The following FOXI2 variants were observed in gnomAD, a reference collection of about 807,000 sequenced individuals.
FOXI2 encodes the protein forkhead box protein I2.
A neutral mutation model predicts 14.3 loss-of-function variants in FOXI2; 17 were observed. The observed-to-expected ratio is 1.19, with a 90% CI of 0.81 to 1.78. The LOEUF is 1.78. Ranked by LOEUF, FOXI2 falls within the 40% of genes most tolerant of loss-of-function variation. The probability of loss-of-function intolerance (pLI) is 0.00; values close to 1 mark genes in which losing one functional copy is unlikely to be tolerated. For missense variants in FOXI2, 541 were observed against 460.0 expected (o/e 1.18, Z -1.61); for synonymous variants, 240 against 218.8 (o/e 1.10, Z -0.85).
chr10:127,737,418 A>C lies in FOXI2; in HGVS notation c.145A>C (p.Ser49Arg). 3.6e-6 allele frequency: 5 copies of C among 1,380,174 alleles called. No homozygotes were observed. Among genetic ancestry groups the C allele is most frequent in the Non-Finnish European group, 4.6e-6 (5 of 1,080,204 alleles). The allele number at this position is 1,380,174 out of a possible 1,614,324, so 85.5% of individuals were successfully genotyped here. ...CCTGTGGGTGAACGCGCCAGCGCTCAGCCCCAAGTCCTACGCTTCGGGTCC... is the reference window on the plus strand; with the variant it reads ...CCTGTGGGTGAACGCGCCAGCGCTCCGCCCCAAGTCCTACGCTTCGGGTCC... Reference protein sequence around the residue: ...PLLWVNAPALSPKSYASGPGP... With the variant: ...PLLWVNAPALRPKSYASGPGP... Residue 49 changes from serine (S) to arginine (R), a missense_variant, in exon 1 of 2, where the codon AGC becomes CGC. Ser to Arg is a moderately radical substitution (Grantham distance 110). Transcript: ENST00000388920.
At chr10:127,737,996 G>A (rs953046307) in intron 1 of FOXI2, among the ~76,000 whole-genome samples, 5 of 151,844 alleles carry the variant, frequency 3.3e-5, no homozygotes, top group Non-Finnish European at 7.4e-5. Context: ...TTTACAGTGC[G>A]GCGGTCCCGG....
Position 127,737,390 on chromosome 10 carries a change from C to G in FOXI2, c.117C>G (p.Pro39=), listed in dbSNP as rs1291519639. The change falls in exon 1 of 2, where the codon CCC becomes CCG. Residue 39 remains proline (P), a synonymous_variant. Transcript: ENST00000388920. ...PGDLGAVGGG[P]LLWVNAPALS... ...ATCTGGGCGCGGTGGGCGGGGGCCCCCTCCTGTGGGTGAACGCGCCAGCGC... is the reference window on the plus strand; with the variant it reads ...ATCTGGGCGCGGTGGGCGGGGGCCCGCTCCTGTGGGTGAACGCGCCAGCGC... 1 of 1,394,012 alleles carries G rather than the reference C, an allele frequency of 7.2e-7. No homozygotes were observed. The highest frequency in any genetic ancestry group is 4.0e-5 in the Admixed American group (1 of 25,276). The allele number at this position is 1,394,012 out of a possible 1,614,324, so 86.4% of individuals were successfully genotyped here. A position where few individuals can be genotyped will look rare whatever the true frequency, so the allele number is the denominator to read the frequency against.
rs750652104 is a variant in FOXI2, at chr10:127,738,676, C to G, written c.668C>G (p.Pro223Arg). 41 of 1,595,192 alleles carry G rather than the reference C, an allele frequency of 2.6e-5. No individual in the cohort carries two copies. Among genetic ancestry groups the G allele is most frequent in the East Asian group, 2.3e-5 (1 of 43,818 alleles). Residue 223 changes from proline to arginine, a missense_variant, in exon 2 of 2, where the codon CCG (proline) becomes CGG (arginine). Pro to Arg is a moderately radical substitution (Grantham distance 103). Coordinates refer to ENST00000388920, the MANE Select transcript of FOXI2 (RefSeq NM_207426.3). Reference protein sequence around the residue: ...GGAEAPALEPPSAACLDLQAS... With the variant: ...GGAEAPALEPRSAACLDLQAS... ...GCCGAGGCGCCAGCGCTGGAGCCCC[C>G]GAGCGCGGCTTGCCTGGACCTGCAG...
rs1846476445 is a variant in FOXI2, at chr10:127,739,827, C to CT, written c.*862_*863insT. On this transcript the variant is annotated 3_prime_UTR_variant, in exon 2 of 2. Coordinates refer to ENST00000388920, the MANE Select transcript of FOXI2 (RefSeq NM_207426.3). The stretch of plus-strand genomic sequence containing the variant: ...CCCACACTCACACCCACACCCACAC[C>CT]CACACCCACACTCACACTCACACTC... 1.4e-5 allele frequency: 1 copy of CT among 71,862 alleles called. No individual in the cohort carries two copies. The highest frequency in any genetic ancestry group is 6.0e-5 in the African/African-American group (1 of 16,542). The allele number at this position is 71,862 out of a possible 1,614,324, so 4.5% of individuals were successfully genotyped here.
In FOXI2 at chr10:127,739,275, T is replaced by G. The variant is rs1591211318; in HGVS notation, c.*310T>G. 3.1e-6 allele frequency: 1 copy of G among 325,642 alleles called. No homozygotes were observed. Among genetic ancestry groups the G allele is most frequent in the African/African-American group, 2.2e-5 (1 of 45,942 alleles). 20.2% of individuals were successfully genotyped at this position (325,642 alleles called of 1,614,324 possible). A position where few individuals can be genotyped will look rare whatever the true frequency, so the allele number is the denominator to read the frequency against. ...GGATTTGCCTTGAAGGGGCGGCGGG[T>G]CGGCCCTCAGCTCCAGCGTTTTCCA... On this transcript the variant is annotated 3_prime_UTR_variant, in exon 2 of 2. Transcript: ENST00000388920.
chr10:127,738,620 C>G lies in FOXI2; in HGVS notation c.612C>G (p.Ala204=). ...KRKRRAEASA[A]VRSGARSVGG... ...AGAGGAGAGCTGAAGCCAGCGCGGC[C>G]GTGCGCTCGGGAGCCAGGAGCGTGG... Residue 204 remains alanine (A), a synonymous_variant, in exon 2 of 2, where the codon GCC becomes GCG. Transcript: ENST00000388920. The G allele has an allele frequency of 2.5e-6, 4 of 1,606,482 alleles. No homozygotes were observed. Among genetic ancestry groups the G allele is most frequent in the Non-Finnish European group, 1.7e-6 (2 of 1,176,390 alleles).
chr10:127,740,069 T>TGACACCCAC lies in FOXI2; in HGVS notation c.*1104_*1105insGACACCCAC, dbSNP rs1554874515. 2 of 62,064 alleles carry TGACACCCAC rather than the reference T, an allele frequency of 3.2e-5. No individual in the cohort carries two copies. The highest frequency in any genetic ancestry group is 8.0e-5 in the African/African-American group (1 of 12,514). 3.8% of individuals were successfully genotyped at this position (62,064 alleles called of 1,614,324 possible). On this transcript the variant is annotated 3_prime_UTR_variant, in exon 2 of 2. Transcript: ENST00000388920. The stretch of plus-strand genomic sequence containing the variant: ...ACACCCACACTCACACCCACACTCA[T>TGACACCCAC]ACTCACACTCACACCCACACTCACA...
rs1466947764 is a variant in FOXI2, at chr10:127,737,308, C to T, written c.35C>T (p.Ser12Leu). The T allele has an allele frequency of 5.5e-6, 8 of 1,459,386 alleles. No homozygotes were observed. Among genetic ancestry groups the T allele is most frequent in the Middle Eastern group, 4.8e-4 (2 of 4,174 alleles). The allele number at this position is 1,459,386 out of a possible 1,614,324, so 90.4% of individuals were successfully genotyped here. A position where few individuals can be genotyped will look rare whatever the true frequency, so the allele number is the denominator to read the frequency against. ...TACTGCGACGACCTGGGCCCCTCCT[C>T]GGCCCCGCCCGGCCAGGCCCAGGCC... Reference protein sequence around the residue: ...ATYCDDLGPSSAPPGQAQATA... With the variant: ...ATYCDDLGPSLAPPGQAQATA... The change falls in exon 1 of 2, where the codon TCG (serine) becomes TTG (leucine). Residue 12 changes from serine to leucine, a missense_variant. Physicochemically the swap from Ser to Leu is moderately radical, Grantham distance 145. Coordinates refer to ENST00000388920, the MANE Select transcript of FOXI2 (RefSeq NM_207426.3).
chr10:127,737,547 T>C lies in FOXI2; in HGVS notation c.274T>C (p.Ser92Pro). The C allele has an allele frequency of 6.6e-7, 1 of 1,524,778 alleles. No homozygotes were observed. Among genetic ancestry groups the C allele is most frequent in the Non-Finnish European group, 8.8e-7 (1 of 1,135,716 alleles). 94.5% of individuals were successfully genotyped at this position (1,524,778 alleles called of 1,614,324 possible). ...CGCCGACCTCGCCTGGCTGAGCCTC[T>C]CCGGCCAGCAGGAGCTGCTGAGGCT... The part of the protein sequence containing the change: ...AGADLAWLSL[S>P]GQQELLRLVR... Residue 92 changes from serine (S) to proline (P), a missense_variant, in exon 1 of 2, where the codon TCC (serine) becomes CCC (proline). Transcript: ENST00000388920.
chr10:127,738,643 T>G lies in FOXI2; in HGVS notation c.635T>G (p.Val212Gly), dbSNP rs2134994700. The G allele has an allele frequency of 6.2e-7, 1 of 1,600,644 alleles. No homozygotes were observed. The highest frequency in any genetic ancestry group is 8.5e-7 in the Non-Finnish European group (1 of 1,173,480). The change falls in exon 2 of 2, where the codon GTG becomes GGG. Residue 212 changes from valine to glycine, a missense_variant. Coordinates refer to ENST00000388920, the MANE Select transcript of FOXI2 (RefSeq NM_207426.3). ...SAAVRSGARS[V>G]GGAEAPALEP... ...GCCGTGCGCTCGGGAGCCAGGAGCG[T>G]GGGAGGGGCCGAGGCGCCAGCGCTG...
rs1301598887 is a variant in FOXI2 at position 127,737,766 on chromosome 10, C to T, written c.493C>T (p.Arg165Cys). ...SLNDCFKKVPRDEDDPGKGNY... is the reference protein window; with the variant it reads ...SLNDCFKKVPCDEDDPGKGNY... ...CAACGACTGCTTCAAGAAGGTGCCCCGCGACGAGGACGACCCAGGTAACAG... is the reference window on the plus strand; with the variant it reads ...CAACGACTGCTTCAAGAAGGTGCCCTGCGACGAGGACGACCCAGGTAACAG... Residue 165 changes from arginine to cysteine, a missense_variant, in exon 1 of 2, where the codon CGC becomes TGC. Physicochemically the swap from Arg to Cys is radical, Grantham distance 180. Coordinates refer to ENST00000388920, the MANE Select transcript of FOXI2 (RefSeq NM_207426.3). 2 of 1,611,670 alleles carry T rather than the reference C, an allele frequency of 1.2e-6. No homozygotes were observed. The highest frequency in any genetic ancestry group is 1.7e-6 in the Non-Finnish European group (2 of 1,179,044).
chr10:127,737,550 G>A lies in FOXI2; in HGVS notation c.277G>A (p.Gly93Ser), dbSNP rs1429398226. 12 of 1,526,892 alleles carry A rather than the reference G, an allele frequency of 7.9e-6. No individual in the cohort carries two copies. Among genetic ancestry groups the A allele is most frequent in the African/African-American group, 1.4e-5 (1 of 71,356 alleles). The allele number at this position is 1,526,892 out of a possible 1,614,324, so 94.6% of individuals were successfully genotyped here. A position where few individuals can be genotyped will look rare whatever the true frequency, so the allele number is the denominator to read the frequency against. The change falls in exon 1 of 2, where the codon GGC becomes AGC. Residue 93 changes from glycine to serine, a missense_variant. By Grantham distance (56) the Gly-to-Ser change is moderately conservative. Coordinates refer to ENST00000388920, the MANE Select transcript of FOXI2 (RefSeq NM_207426.3). ...CGACCTCGCCTGGCTGAGCCTCTCC[G>A]GCCAGCAGGAGCTGCTGAGGCTGGT... ...GADLAWLSLS[G>S]QQELLRLVRP...
In FOXI2 at chr10:127,737,559, G is replaced by C. The variant is rs1846432499; in HGVS notation, c.286G>C (p.Glu96Gln). Residue 96 changes from glutamate (E) to glutamine (Q), a missense_variant, in exon 1 of 2, where the codon GAG becomes CAG. Physicochemically the swap from Glu to Gln is conservative, Grantham distance 29. Coordinates refer to ENST00000388920, the MANE Select transcript of FOXI2 (RefSeq NM_207426.3). ...LAWLSLSGQQELLRLVRPPYS... is the reference protein window; with the variant it reads ...LAWLSLSGQQQLLRLVRPPYS... Reference sequence around the variant, plus strand: ...CTGGCTGAGCCTCTCCGGCCAGCAGGAGCTGCTGAGGCTGGTGCGGCCGCC... The same window carrying C: ...CTGGCTGAGCCTCTCCGGCCAGCAGCAGCTGCTGAGGCTGGTGCGGCCGCC... The C allele has an allele frequency of 6.5e-7, 1 of 1,537,724 alleles. No homozygotes were observed. The highest frequency in any genetic ancestry group is 8.8e-7 in the Non-Finnish European group (1 of 1,140,982).
At position 127,740,060 on chromosome 10, in the gene FOXI2, C is replaced by CCATACT. The variant is rs1846496840; in HGVS notation, c.*1097_*1098insTACTCA. On this transcript the variant is annotated 3_prime_UTR_variant, in exon 2 of 2. Transcript: ENST00000388920. ...CTCACACTGACACCCACACTCACAC[C>CCATACT]CACACTCATACTCACACTCACACCC... is the stretch of plus-strand genomic sequence containing the variant. 1 of 45,816 alleles carries CCATACT rather than the reference C, an allele frequency of 2.2e-5. No homozygotes were observed. Among genetic ancestry groups the CCATACT allele is most frequent in the African/African-American group, 6.2e-5 (1 of 16,206 alleles). The allele number at this position is 45,816 out of a possible 1,614,324, so 2.8% of individuals were successfully genotyped here.
chr10:127,740,069 T>TCACACTCTCACCCAC lies in FOXI2; in HGVS notation c.*1104_*1105insCACACTCTCACCCAC, dbSNP rs1554874515. On this transcript the variant is annotated 3_prime_UTR_variant, in exon 2 of 2. Transcript: ENST00000388920. ...ACACCCACACTCACACCCACACTCA[T>TCACACTCTCACCCAC]ACTCACACTCACACCCACACTCACA... 1 of 62,064 alleles carries TCACACTCTCACCCAC rather than the reference T, an allele frequency of 1.6e-5. No homozygotes were observed. The highest frequency in any genetic ancestry group is 2.9e-5 in the Non-Finnish European group (1 of 34,896). 3.8% of individuals were successfully genotyped at this position (62,064 alleles called of 1,614,324 possible).
Position 127,738,947 on chromosome 10 carries a change from G to GGAAGGGACC in FOXI2, c.944_952dup (p.Gly315_Glu317dup). 1.9e-6 allele frequency: 3 copies of GGAAGGGACC among 1,600,652 alleles called. No individual in the cohort carries two copies. The highest frequency in any genetic ancestry group is 2.5e-6 in the Non-Finnish European group (3 of 1,179,562). On this transcript the variant is annotated inframe_insertion, in exon 2 of 2. Coordinates refer to ENST00000388920, the MANE Select transcript of FOXI2 (RefSeq NM_207426.3). ...GCCTCAGTCACCTCCTCTACAGCCG[G>GGAAGGGACC]GAAGGGACCGAAGTTTGAAGGGAGG...
At position 127,739,041 on chromosome 10, in the gene FOXI2, C is replaced by A; in HGVS notation, c.*76C>A. On this transcript the variant is annotated 3_prime_UTR_variant, in exon 2 of 2. Coordinates refer to ENST00000388920, the MANE Select transcript of FOXI2 (RefSeq NM_207426.3). ...CCTCCGGTTTCCCCTGGTGACAGCC[C>A]CACGTGTTGGCGTTGAAGGCCTTGG... 7.5e-7 allele frequency: 1 copy of A among 1,329,214 alleles called. No homozygotes were observed. The highest frequency in any genetic ancestry group is 2.4e-5 in the East Asian group (1 of 42,282). 82.3% of individuals were successfully genotyped at this position (1,329,214 alleles called of 1,614,324 possible).
chr10:127,737,207 C>T lies in FOXI2; in HGVS notation c.-67C>T, dbSNP rs1285450099. ...GTCGCACCCGGGCGCTGCTGGCGGC[C>T]AAGCTGGATGGGTCGCCAGTGAGTT... On this transcript the variant is annotated 5_prime_UTR_variant, in exon 1 of 2. Coordinates refer to ENST00000388920, the MANE Select transcript of FOXI2 (RefSeq NM_207426.3). 3 of 1,440,818 alleles carry T rather than the reference C, an allele frequency of 2.1e-6. No individual in the cohort carries two copies. Among genetic ancestry groups the T allele is most frequent in the Admixed American group, 6.3e-5 (2 of 31,756 alleles). The allele number at this position is 1,440,818 out of a possible 1,614,324, so 89.3% of individuals were successfully genotyped here. A position where few individuals can be genotyped will look rare whatever the true frequency, so the allele number is the denominator to read the frequency against.
intron 1 of FOXI2, 44 bp from the exon 2 acceptor site, chr10:127,738,476 T>G: frequency 6.6e-7 from 1 of 1,514,720 alleles, no homozygotes; most frequent in South Asian, 1.2e-5. Context: ...CCACGGCCCG[T>G]CAAAGCTCGA....
Sources: allele counts gnomAD v4.1 joint callset (sites outside exome capture counted in the v4.1 genomes callset), GRCh38; gene constraint gnomAD v4.1.1; transcripts MANE v1.5; gene names NCBI Gene and HGNC (gene_info 2026-07-23, HGNC 2026-07-21).